Variants in LIMS1 observed in about 807,000 individuals in gnomAD.
The protein encoded by LIMS1 is LIM and senescent cell antigen-like-containing domain protein 1.
In LIMS1, 18 loss-of-function variants were observed where a neutral mutation model predicts 44.1. The observed-to-expected ratio is 0.41, with a 90% CI of 0.28 to 0.61. LIMS1 has a LOEUF of 0.61. Ranked by LOEUF, LIMS1 falls within the 20% of genes least tolerant of loss-of-function variation. The pLI, the probability that LIMS1 is intolerant of heterozygous loss-of-function variation, is 0.32. For missense variants in LIMS1, 201 were observed against 422.0 expected (o/e 0.48, Z 4.59); for synonymous variants, 93 against 149.1 (o/e 0.62, Z 2.74).
In LIMS1 at chr2:108,597,106, C is replaced by T. The variant is rs548496133; in HGVS notation, c.33-62499C>T. 6.0e-3 allele frequency among the ~76,000 whole-genome samples: 911 copies of T among 151,190 alleles called. 10 individuals are homozygous for T. Among genetic ancestry groups the T allele is most frequent in the African/African-American group, 0.021 (869 of 41,186 alleles). On this transcript the variant is annotated intron_variant, in intron 1 of 9. Coordinates refer to ENST00000544547, the Ensembl canonical transcript of LIMS1. ...GTATTTTTAGTAGAAGTGGAGTTTC[C>T]CCTTGTTGGCCAGGCTGATCTCGAA...
intron 1 of LIMS1, among the ~76,000 whole-genome samples, chr2:108,566,789 G>T (rs1685306138): frequency 6.6e-6 from 1 of 152,050 alleles, no homozygotes; most frequent in African/African-American, 2.4e-5. Context: ...TAGAGATGGG[G>T]TTTCGCCATG....
chr2:108,663,246 G>T (rs1371038878), intron 2 of LIMS1, among the ~76,000 whole-genome samples: 6 of 151,998 alleles, frequency 3.9e-5, no homozygotes, highest in African/African-American at 7.2e-5. Context: ...AGCCTCCCTA[G>T]TAGCTAGGAC....
intron 1 of LIMS1, among the ~76,000 whole-genome samples, chr2:108,535,735 T>G (rs1443376656): frequency 6.6e-6 from 1 of 152,202 alleles, no homozygotes; most frequent in African/African-American, 2.4e-5. Flanking sequence ...AAGCTTGCTT[T>G]TTATCATTGG....
exon 10 of LIMS1, chr2:108,685,666 A>G (rs1330297322): frequency 6.6e-6 from 1 of 152,190 alleles, no homozygotes; most frequent in African/African-American, 2.4e-5. Context: ...ATAGTTTAAG[A>G]TTGTATATGT....
At chr2:108,671,796 G>A (rs1692177801) in intron 3 of LIMS1, among the ~76,000 whole-genome samples, 2 of 152,152 alleles carry the variant, frequency 1.3e-5, no homozygotes, top group Non-Finnish European at 2.9e-5. Flanking sequence ...ACACAAAACA[G>A]CCCAAAAATG....
intron 1 of LIMS1, among the ~76,000 whole-genome samples, chr2:108,544,074 T>C (rs1684404882): frequency 6.6e-6 from 1 of 152,176 alleles, no homozygotes; most frequent in African/African-American, 2.4e-5. Flanking sequence ...TCTTTCCCTG[T>C]CTCTCTCAAA....
At chr2:108,682,465 A>T (rs1693072997) in intron 9 of LIMS1, among the ~76,000 whole-genome samples, 1 of 152,232 alleles carries the variant, frequency 6.6e-6, no homozygotes, top group Non-Finnish European at 1.5e-5. Flanking sequence ...GTGCCACTGC[A>T]TTCCACCCTG....
rs144251155 is a variant in LIMS1, at chr2:108,603,644, G to A, written c.33-55961G>A. Among the ~76,000 whole-genome samples, 90 of 151,844 alleles carry A rather than the reference G, an allele frequency of 5.9e-4. No individual in the cohort carries two copies. The East Asian group carries it at 0.014, about 24-fold the overall frequency. ...TGGCTAGCTGGGATTACATTTGACA[G>A]AGTTTTAGCTCTTGGTCAGGCTGGT... On this transcript the variant is annotated intron_variant, in intron 1 of 9. Transcript: ENST00000544547.
chr2:108,609,409 A>G (rs1255738661), intron 1 of LIMS1, among the ~76,000 whole-genome samples: 1 of 152,096 alleles, frequency 6.6e-6, no homozygotes, highest in Non-Finnish European at 1.5e-5. Context: ...CACCTGTCAC[A>G]TAAACCCATC....
chr2:108,645,483 C>A (rs1346398669), intron 1 of LIMS1, among the ~76,000 whole-genome samples: 1 of 152,034 alleles, frequency 6.6e-6, no homozygotes, highest in Non-Finnish European at 1.5e-5. Flanking sequence ...TACAAGAACT[C>A]CTGAAGGAAG....
In LIMS1 at chr2:108,539,514, A is replaced by G. The variant is rs554074952; in HGVS notation, c.32+4920A>G. The stretch of plus-strand genomic sequence containing the variant: ...CCCTGTCAGCGTCTTTAAGCCTCAG[A>G]TTCTTAATTTATAAAATAATCCCAC... On this transcript the variant is annotated intron_variant, in intron 1 of 9. Coordinates refer to ENST00000544547, the Ensembl canonical transcript of LIMS1. Among the ~76,000 whole-genome samples, 11 of 152,258 alleles carry G rather than the reference A, an allele frequency of 7.2e-5. No individual in the cohort carries two copies. In the South Asian group the frequency reaches 2.3e-3, roughly 32 times the overall value.
chr2:108,680,896 C>T lies in LIMS1; in HGVS notation c.899+126C>T, dbSNP rs909164764. 36 of 1,323,548 alleles carry T rather than the reference C, an allele frequency of 2.7e-5. No homozygotes were observed. In the African/African-American group the frequency reaches 4.8e-4, roughly 18 times the overall value. The allele number at this position is 1,323,548 out of a possible 1,614,324, so 82.0% of individuals were successfully genotyped here. A position where few individuals can be genotyped will look rare whatever the true frequency, so the allele number is the denominator to read the frequency against. ...TCTTATTTCCTCTTTCTGTTCAGGC[C>T]TTCTGAAAGTAAAGGTTCTTCCTTT... On this transcript the variant is annotated intron_variant, in intron 9 of 9. Coordinates refer to ENST00000544547, the Ensembl canonical transcript of LIMS1.
chr2:108,570,964 C>T (rs966534083), intron 1 of LIMS1, among the ~76,000 whole-genome samples: 3 of 152,222 alleles, frequency 2.0e-5, no homozygotes, highest in African/African-American at 4.8e-5. Flanking sequence ...TAACATTTCT[C>T]AAAGTTGCTA....
At chr2:108,538,308 T>G (rs1411821844) in intron 1 of LIMS1, among the ~76,000 whole-genome samples, 1 of 152,254 alleles carries the variant, frequency 6.6e-6, no homozygotes, top group Non-Finnish European at 1.5e-5. Flanking sequence ...ACCCTGGAGC[T>G]TACTGCAGGA....
chr2:108,650,371 T>C (rs1690380626), intron 1 of LIMS1, among the ~76,000 whole-genome samples: 1 of 152,184 alleles, frequency 6.6e-6, no homozygotes, highest in Admixed American at 6.5e-5. Context: ...GCAGGTAGTC[T>C]TTTTGGGAGA....
At chr2:108,586,220 CAAAA>C (rs898481190) in intron 1 of LIMS1, among the ~76,000 whole-genome samples, 1 of 151,624 alleles carries the variant, frequency 6.6e-6, no homozygotes, top group African/African-American at 2.4e-5. Context: ...AAAAAACAAA[CAAAA>C]AAAGAAAATG....
chr2:108,562,869 C>T (rs1360509812), intron 1 of LIMS1, among the ~76,000 whole-genome samples: 1 of 152,192 alleles, frequency 6.6e-6, no homozygotes, highest in Non-Finnish European at 1.5e-5. Context: ...TGCCTGGCTT[C>T]ACTGTTTCAA....
intron 1 of LIMS1, among the ~76,000 whole-genome samples, chr2:108,556,933 A>T (rs943272463): frequency 6.6e-6 from 1 of 152,218 alleles, no homozygotes; most frequent in Non-Finnish European, 1.5e-5. Context: ...GTAGAAGCTC[A>T]GGGCTGCCTT....
intron 1 of LIMS1, among the ~76,000 whole-genome samples, chr2:108,631,097 T>TCTAGCCTCTGGCTTAAGAATGGGGTAGA (rs1688894958): frequency 6.6e-6 from 1 of 152,220 alleles, no homozygotes; most frequent in Non-Finnish European, 1.5e-5. Flanking sequence ...TGAGTCAGCT[T>TCTAGCCTCTGGCTTAAGAATGGGGTAGA]CTAGCCTCTG....
Sources: allele counts gnomAD v4.1 joint callset (sites outside exome capture counted in the v4.1 genomes callset), GRCh38; gene constraint gnomAD v4.1.1; transcripts MANE v1.5; gene names NCBI Gene and HGNC (gene_info 2026-07-23, HGNC 2026-07-21).